The following PRSS3 variants were observed in gnomAD, a reference collection of about 807,000 sequenced individuals.
PRSS3 encodes the protein serine protease 3.
PRSS3 carries 14 observed loss-of-function variants against 20.8 expected under a neutral mutation model. The ratio of observed to expected loss-of-function variants is 0.67; its 90% CI spans 0.44 to 1.05. The LOEUF (loss-of-function observed/expected upper bound fraction) is 1.05, where lower values mean the gene tolerates loss of function less well. PRSS3 is among the 50% of genes least tolerant of loss of function. PRSS3 has a pLI of 0.00. For missense variants in PRSS3, 237 were observed against 306.4 expected, an observed-to-expected ratio of 0.77 and a Z score of 1.69; for synonymous variants, 91 against 117.6, an observed-to-expected ratio of 0.77 and a Z score of 1.46.
intron 1 of PRSS3, among the ~76,000 whole-genome samples, chr9:33,776,282 C>T (rs143579358): frequency 6.3e-4 from 96 of 152,266 alleles, no homozygotes; most frequent in African/African-American, 2.2e-3. Context: ...AACAGACCTT[C>T]AGACACACAT....
intron 1 of PRSS3, among the ~76,000 whole-genome samples, chr9:33,782,862 C>T (rs1430539046): frequency 1.3e-5 from 2 of 152,162 alleles, no homozygotes; most frequent in Non-Finnish European, 2.9e-5. Context: ...AATTATACTC[C>T]TAAGTATTTA....
intron 1 of PRSS3, among the ~76,000 whole-genome samples, chr9:33,772,592 CTT>C (rs1418328926): frequency 5.9e-5 from 9 of 152,138 alleles, no homozygotes; most frequent in Non-Finnish European, 1.2e-4. Context: ...GAGTTTCGCT[CTT>C]GTCGCTCTTC....
rs113212361 is a variant in PRSS3, at chr9:33,795,632, C to A, written c.40+19C>A. The A allele has an allele frequency of 2.5e-6, 4 of 1,613,722 alleles. No homozygotes were observed. The African/African-American group carries it at 4.0e-5, about 16-fold the overall frequency. On this transcript the variant is annotated intron_variant, in intron 1 of 4. Coordinates refer to ENST00000379405, the MANE Select transcript of PRSS3 (RefSeq NM_002771.4). ...GCTGCTGGCGAGTTTCATGACCTGC[C>A]TCAGGCCCCACCCACCCCCTTTCCT...
intron 2 of PRSS3, among the ~76,000 whole-genome samples, chr9:33,797,621 C>T (rs537698508): frequency 1.3e-5 from 2 of 152,272 alleles, no homozygotes; most frequent in African/African-American, 4.8e-5. Context: ...TTCCCCACCC[C>T]ACTACCACCA....
intron 1 of PRSS3, among the ~76,000 whole-genome samples, chr9:33,773,624 G>GT (rs1185922268): frequency 6.6e-6 from 1 of 152,206 alleles, no homozygotes; most frequent in African/African-American, 2.4e-5. Flanking sequence ...ATTTGCCTTT[G>GT]TGAAAGCACT....
At chr9:33,791,910 A>G (rs1462325639), upstream of PRSS3, among the ~76,000 whole-genome samples, 1 of 152,130 alleles carries the variant, frequency 6.6e-6, no homozygotes, top group East Asian at 1.9e-4. Context: ...GGTGGGGAGC[A>G]GCTGGGCAGG....
intron 1 of PRSS3, among the ~76,000 whole-genome samples, chr9:33,751,683 C>T (rs1436784970): frequency 6.6e-6 from 1 of 152,152 alleles, no homozygotes; most frequent in African/African-American, 2.4e-5. Context: ...GATCTGCCTA[C>T]AGCATTTTAC....
At chr9:33,777,992 A>T (rs1024687062) in intron 1 of PRSS3, among the ~76,000 whole-genome samples, 2 of 152,150 alleles carry the variant, frequency 1.3e-5, no homozygotes, top group African/African-American at 4.8e-5. Flanking sequence ...GAATCCAAAA[A>T]TATTATTCAA....
intron 1 of PRSS3, among the ~76,000 whole-genome samples, chr9:33,784,450 G>A (rs899323292): frequency 1.3e-5 from 2 of 152,160 alleles, no homozygotes; most frequent in Admixed American, 6.5e-5. Context: ...GCCACTGTCC[G>A]TGGCATGTCC....
chr9:33,770,883 G>T (rs1823657875), intron 1 of PRSS3, among the ~76,000 whole-genome samples: 1 of 152,166 alleles, frequency 6.6e-6, no homozygotes, highest in Non-Finnish European at 1.5e-5. Context: ...ACTCAGTGCT[G>T]ATTCATGCTT....
chr9:33,798,284 G>A (rs1825121406), intron 3 of PRSS3: 1 of 1,268,420 alleles, frequency 7.9e-7, no homozygotes, highest in Admixed American at 2.3e-5. Context: ...GACAAATGGA[G>A]AACTTGCTGT....
At chr9:33,781,226 T>C (rs1824170371) in intron 1 of PRSS3, among the ~76,000 whole-genome samples, 3 of 152,168 alleles carry the variant, frequency 2.0e-5, no homozygotes, top group Admixed American at 6.5e-5. Context: ...TATACCAAAA[T>C]GCACTCATAT....
At chr9:33,768,092 G>A (rs554127144) in intron 1 of PRSS3, among the ~76,000 whole-genome samples, 3 of 152,346 alleles carry the variant, frequency 2.0e-5, no homozygotes, top group East Asian at 3.9e-4. Flanking sequence ...GTGAGCAGAC[G>A]TGGCTTTGGA....
chr9:33,794,633 G>A (rs1277673164), upstream of PRSS3: 6 of 1,314,118 alleles, frequency 4.6e-6, no homozygotes, highest in Non-Finnish European at 6.0e-6. Context: ...CAGATCAGAT[G>A]GTAACCCAGA....
intron 1 of PRSS3, among the ~76,000 whole-genome samples, chr9:33,759,443 G>A (rs1045556800): frequency 1.5e-4 from 23 of 152,118 alleles, no homozygotes; most frequent in African/African-American, 5.6e-4. Context: ...AAAATACCAG[G>A]ATACTTGGGG....
chr9:33,789,829 C>G (rs1824554965), intron 1 of PRSS3, among the ~76,000 whole-genome samples: 1 of 152,188 alleles, frequency 6.6e-6, no homozygotes, highest in South Asian at 2.1e-4. Context: ...TGAACTTTAT[C>G]AAGTGACAGA....
intron 1 of PRSS3, chr9:33,786,433 C>T (rs1172607111): frequency 2.9e-5 from 20 of 684,752 alleles, no homozygotes; most frequent in Non-Finnish European, 5.2e-6. Flanking sequence ...CCCTGGGGTC[C>T]TTTGGGAGCT....
chr9:33,781,085 TTGG>T (rs1374683122), intron 1 of PRSS3, among the ~76,000 whole-genome samples: 3 of 152,234 alleles, frequency 2.0e-5, no homozygotes, highest in Non-Finnish European at 4.4e-5. Context: ...TTATACATTG[TTGG>T]TGGAAATGTA....
At chr9:33,764,999 T>C (rs1823354195) in intron 1 of PRSS3, among the ~76,000 whole-genome samples, 1 of 152,210 alleles carries the variant, frequency 6.6e-6, no homozygotes, top group South Asian at 2.1e-4. Context: ...ATAACAAGTG[T>C]TGGCAAAGAT....
Sources: allele counts gnomAD v4.1 joint callset (sites outside exome capture counted in the v4.1 genomes callset), GRCh38; gene constraint gnomAD v4.1.1; transcripts MANE v1.5; gene names NCBI Gene and HGNC (gene_info 2026-07-23, HGNC 2026-07-21).